The following FREM2 variants were observed in gnomAD, a reference collection of about 807,000 sequenced individuals.
The protein encoded by FREM2 is FRAS1-related extracellular matrix protein 2.
In FREM2, 119 loss-of-function variants were observed where a neutral mutation model predicts 219.9. That is an observed-to-expected ratio of 0.54 (90% CI 0.47 to 0.63). The LOEUF is 0.63. FREM2 is among the 30% of genes least tolerant of loss of function. The pLI is 0.00. For missense variants in FREM2, 4,030 were observed against 3,993.6 expected (o/e 1.01, Z -0.25); for synonymous variants, 1,562 against 1,522.8 (o/e 1.03, Z -0.60).
Position 38,877,147 on chromosome 13 carries a change from T to C in FREM2, c.8575T>C (p.Leu2859=). 6 of 1,614,154 alleles carry C rather than the reference T, an allele frequency of 3.7e-6. No homozygotes were observed. The South Asian group carries it at 6.6e-5, about 18-fold the overall frequency. ...VSDPVAAEFS[L]NTQMYLLSKK... ...TGATCCAGTGGCTGCTGAGTTTAGC[T>C]TGAACACCCAAATGTACCTGCTCTC... Residue 2859 remains leucine (L), a synonymous_variant, in exon 21 of 24, where the codon TTG becomes CTG. Transcript: ENST00000280481.
chr13:38,848,716 T>G, intron 8 of FREM2, 46 bp downstream of exon 8: 1 of 1,459,160 alleles, frequency 6.9e-7, no homozygotes, highest in Non-Finnish European at 9.5e-7. Flanking sequence ...ATTGAAATCA[T>G]AAGCTAAGGT....
chr13:38,725,674 C>T (rs1005432442), intron 2 of FREM2, among the ~76,000 whole-genome samples: 1 of 152,104 alleles, frequency 6.6e-6, no homozygotes, highest in Non-Finnish European at 1.5e-5. Flanking sequence ...TCATTCAGAC[C>T]CGTTTGTTCT....
rs1385424435 is a variant in FREM2 at position 38,882,194 on chromosome 13, A to G, written c.*1407A>G. 6.6e-6 allele frequency: 1 copy of G among 152,168 alleles called. No individual in the cohort carries two copies. Among genetic ancestry groups the G allele is most frequent in the Non-Finnish European group, 1.5e-5 (1 of 68,028 alleles). 9.4% of individuals were successfully genotyped at this position (152,168 alleles called of 1,614,324 possible). ...CCAAATAGCAGAAATTTCGCTTAGA[A>G]GGGGAAAACTTCAGCTTTCCAAAAG... On this transcript the variant is annotated 3_prime_UTR_variant, in exon 24 of 24. Coordinates refer to ENST00000280481, the MANE Select transcript of FREM2 (RefSeq NM_207361.6).
In FREM2 at chr13:38,846,675, C is replaced by T. The variant is rs1877169124; in HGVS notation, c.6122C>T (p.Ser2041Phe). 1 of 1,613,734 alleles carries T rather than the reference C, an allele frequency of 6.2e-7. No individual in the cohort carries two copies. The highest frequency in any genetic ancestry group is 2.2e-5 in the East Asian group (1 of 44,868). ...ACGGGCACTGACCTGTCCAAGTCTT[C>T]TAGTGTCACAGTGAGGTCTCGGAAA... ...WRTGTDLSKS[S>F]SVTVRSRKTD... The change falls in exon 7 of 24, where the codon TCT (serine) becomes TTT (phenylalanine). Residue 2041 changes from serine to phenylalanine, a missense_variant. This residue lies in a region of FREM2 where 3,102 missense variants were observed against 2,950.7 expected (regional missense o/e 1.05). Transcript: ENST00000280481.
At chr13:38,719,944 T>C (rs1871156463) in intron 2 of FREM2, among the ~76,000 whole-genome samples, 1 of 152,148 alleles carries the variant, frequency 6.6e-6, no homozygotes, top group Non-Finnish European at 1.5e-5. Context: ...TTCTTTGAGG[T>C]TCAGATGCAA....
rs1869621942 is a variant in FREM2, at chr13:38,688,593, C to T, written c.1249C>T (p.Leu417=). The T allele has an allele frequency of 6.2e-7, 1 of 1,613,866 alleles. No homozygotes were observed. The highest frequency in any genetic ancestry group is 1.3e-5 in the African/African-American group (1 of 74,922). Residue 417 remains leucine, a synonymous_variant, in exon 1 of 24, where the codon CTA becomes TTA. Coordinates refer to ENST00000280481, the MANE Select transcript of FREM2 (RefSeq NM_207361.6). ...LFELELEVVD[L]EGAASDPFAF... ...TGAACTGGAATTGGAGGTAGTGGAT[C>T]TAGAAGGAGCAGCTTCAGACCCTTT...
chr13:38,750,607 C>A (rs1872706049), intron 2 of FREM2, among the ~76,000 whole-genome samples: 1 of 152,138 alleles, frequency 6.6e-6, no homozygotes, highest in South Asian at 2.1e-4. Flanking sequence ...GATATCTCTT[C>A]AGTACACTGA....
chr13:38,691,001 T>A lies in FREM2; in HGVS notation c.3657T>A (p.Asp1219Glu). 6.2e-7 allele frequency: 1 copy of A among 1,614,176 alleles called. No individual in the cohort carries two copies. The highest frequency in any genetic ancestry group is 8.5e-7 in the Non-Finnish European group (1 of 1,179,998). The change falls in exon 1 of 24, where the codon GAT becomes GAA. Residue 1219 changes from aspartate to glutamate, a missense_variant. Physicochemically the swap from Asp to Glu is conservative, Grantham distance 45 (BLOSUM62 2). Transcript: ENST00000280481. ...DTPILNAADA[D>E]VPLDDLTFTI... The stretch of plus-strand genomic sequence containing the variant: ...CCATTCTCAATGCTGCTGATGCTGA[T>A]GTTCCCCTGGATGATTTAACTTTCA...
At chr13:38,814,444 A>G (rs1463777568) in intron 6 of FREM2, among the ~76,000 whole-genome samples, 2 of 152,210 alleles carry the variant, frequency 1.3e-5, no homozygotes, top group African/African-American at 4.8e-5. Context: ...TGAGATCCAG[A>G]GCAGTTCTCT....
rs1341747364 is a variant in FREM2 at position 38,883,811 on chromosome 13, A to T, written c.*3024A>T. On this transcript the variant is annotated 3_prime_UTR_variant, in exon 24 of 24. Transcript: ENST00000280481. ...AATTTAAAAATCTTTCTAGAATAAC[A>T]ACAGCAGACTCCACTCTTGTTTGTC... 1.3e-5 allele frequency: 2 copies of T among 152,196 alleles called. No individual in the cohort carries two copies. Among genetic ancestry groups the T allele is most frequent in the Admixed American group, 1.3e-4 (2 of 15,276 alleles). 9.4% of individuals were successfully genotyped at this position (152,196 alleles called of 1,614,324 possible).
At chr13:38,873,452 G>A (rs1205602090) in intron 17 of FREM2, among the ~76,000 whole-genome samples, 1 of 152,146 alleles carries the variant, frequency 6.6e-6, no homozygotes, top group African/African-American at 2.4e-5. Context: ...CTGAATGATA[G>A]ACACAACTTC....
chr13:38,690,167 C>T lies in FREM2; in HGVS notation c.2823C>T (p.Pro941=), dbSNP rs150154438. The change falls in exon 1 of 24, where the codon CCC becomes CCT. Residue 941 remains proline (P), a synonymous_variant. Transcript: ENST00000280481. ...VNVRPVDDEV[P]ILSHPTGTLE... ...TCCGGCCAGTGGATGATGAAGTGCC[C>T]ATACTGAGCCATCCTACTGGCACTC... is the stretch of plus-strand genomic sequence containing the variant. The T allele has an allele frequency of 1.3e-4, 215 of 1,614,080 alleles. 1 individual carries two copies. The African/African-American group carries it at 2.6e-3, about 20-fold the overall frequency.
At chr13:38,816,257 A>G (rs1180409499) in intron 6 of FREM2, among the ~76,000 whole-genome samples, 1 of 152,164 alleles carries the variant, frequency 6.6e-6, no homozygotes, top group East Asian at 1.9e-4. Context: ...CCTGATTTCA[A>G]AATCAAACAA....
chr13:38,763,668 T>A (rs1363689780), intron 2 of FREM2, among the ~76,000 whole-genome samples: 1 of 152,118 alleles, frequency 6.6e-6, no homozygotes, highest in Non-Finnish European at 1.5e-5. Flanking sequence ...ACACAAGGTT[T>A]ATTTTCTGCT....
At chr13:38,793,982 G>A (rs536764134) in intron 6 of FREM2, among the ~76,000 whole-genome samples, 26 of 44,006 alleles carry the variant, frequency 5.9e-4, no homozygotes, top group East Asian at 1.1e-3. Context: ...ATGCTAGTAC[G>A]AAAGAAATGC....
chr13:38,841,571 A>G (rs1876965927), intron 6 of FREM2, among the ~76,000 whole-genome samples: 1 of 152,120 alleles, frequency 6.6e-6, no homozygotes, highest in Non-Finnish European at 1.5e-5. Flanking sequence ...AAAGAAAAAA[A>G]AAAGCCTCTT....
At position 38,848,002 on chromosome 13, in the gene FREM2, A is replaced by G. The variant is rs533731828; in HGVS notation, c.6170-459A>G. ...AATGTGTTGCTTTAACTAACAGGCA[A>G]CCACATACCTGAGTAGGATGTTCTA... is the stretch of plus-strand genomic sequence containing the variant. On this transcript the variant is annotated intron_variant, in intron 7 of 23. Coordinates refer to ENST00000280481, the MANE Select transcript of FREM2 (RefSeq NM_207361.6). 1.2e-4 allele frequency among the ~76,000 whole-genome samples: 18 copies of G among 152,306 alleles called. No homozygotes were observed. In the East Asian group the frequency reaches 1.7e-3, roughly 15 times the overall value.
In FREM2 at chr13:38,705,551, C is replaced by T. The variant is rs183355121; in HGVS notation, c.5263+7764C>T. On this transcript the variant is annotated intron_variant, in intron 2 of 23. Transcript: ENST00000280481. ...GAACAAATACTGCTTGTGCCTCTTA[C>T]CGTAATTGGTGACGTGACCCTGAGC... Among the ~76,000 whole-genome samples the T allele has an allele frequency of 8.9e-4, 136 of 152,290 alleles. 1 individual carries two copies. Among genetic ancestry groups the T allele is most frequent in the Admixed American group, 2.4e-3 (37 of 15,298 alleles).
At chr13:38,728,887 G>T (rs1009697958) in intron 2 of FREM2, among the ~76,000 whole-genome samples, 1 of 152,184 alleles carries the variant, frequency 6.6e-6, no homozygotes, top group Non-Finnish European at 1.5e-5. Flanking sequence ...CCAGGCTGGA[G>T]TGCAATGGCA....
Sources: allele counts gnomAD v4.1 joint callset (sites outside exome capture counted in the v4.1 genomes callset), GRCh38; gene constraint gnomAD v4.1.1; regional missense constraint gnomAD v4.1.1; transcripts MANE v1.5; gene names NCBI Gene and HGNC (gene_info 2026-07-23, HGNC 2026-07-21).